Variants in NEGR1 observed in about 807,000 individuals in gnomAD.
NEGR1 encodes IgLON family member 4.
In NEGR1, 10 loss-of-function variants were observed where a neutral mutation model predicts 40.9. The ratio of observed to expected loss-of-function variants is 0.24; its 90% CI spans 0.15 to 0.42. NEGR1 has a LOEUF of 0.42. Among genes scored for constraint, NEGR1 ranks in the 10% least tolerant of loss-of-function variants. The pLI is 1.00. For missense variants in NEGR1, 352 were observed against 438.9 expected (o/e 0.80, Z 1.77); for synonymous variants, 185 against 166.8 (o/e 1.11, Z -0.84).
At chr1:71,695,280 A>C (rs1000460955) in intron 4 of NEGR1, among the ~76,000 whole-genome samples, 1 of 151,824 alleles carries the variant, frequency 6.6e-6, no homozygotes, top group African/African-American at 2.4e-5. Flanking sequence ...TTCATGGAAC[A>C]TTTGGAAAAG....
chr1:72,221,999 TG>T (rs1654028933), intron 1 of NEGR1, among the ~76,000 whole-genome samples: 1 of 151,758 alleles, frequency 6.6e-6, no homozygotes, highest in Admixed American at 6.6e-5. Context: ...GTGGACCCAG[TG>T]GCCCCAGTCT....
rs548891348 is a variant in NEGR1 at position 72,054,698 on chromosome 1, G to T, written c.177-119387C>A. On this transcript the variant is annotated intron_variant, in intron 1 of 6. Coordinates refer to ENST00000357731, the MANE Select transcript of NEGR1 (RefSeq NM_173808.3). Reference sequence around the variant, plus strand: ...ACAAATTTGCTGTTGACTTAATCCAGTATCTGACTTTCCATTTATCTTATC... The same window carrying T: ...ACAAATTTGCTGTTGACTTAATCCATTATCTGACTTTCCATTTATCTTATC... Among the ~76,000 whole-genome samples the T allele has an allele frequency of 3.3e-5, 5 of 151,268 alleles. No homozygotes were observed. The East Asian group carries it at 7.8e-4, about 24-fold the overall frequency.
intron 2 of NEGR1, among the ~76,000 whole-genome samples, chr1:71,911,168 A>T (rs1661412311): frequency 6.6e-6 from 1 of 152,216 alleles, no homozygotes; most frequent in South Asian, 2.1e-4. Context: ...ACTATTTATT[A>T]GTCAATGACA....
At position 71,592,763 on chromosome 1, in the gene NEGR1, T is replaced by A. The variant is rs1649544093; in HGVS notation, c.940+54A>T. On this transcript the variant is annotated intron_variant, in intron 6 of 6. Coordinates refer to ENST00000357731, the MANE Select transcript of NEGR1 (RefSeq NM_173808.3). ...CATTCTTAGGTTTTATCTCTACAGA[T>A]GGATAGGGGCCCAGAGGCCCCTGGA... The A allele has an allele frequency of 5.6e-6, 8 of 1,437,314 alleles. No homozygotes were observed. The South Asian group carries it at 8.6e-5, about 15-fold the overall frequency. 89.0% of individuals were successfully genotyped at this position (1,437,314 alleles called of 1,614,324 possible).
At chr1:72,037,935 C>T (rs978346317) in intron 1 of NEGR1, among the ~76,000 whole-genome samples, 2 of 152,030 alleles carry the variant, frequency 1.3e-5, no homozygotes, top group African/African-American at 4.8e-5. Context: ...AAGTTGCTGC[C>T]ACCTGCTGGT....
At chr1:72,081,529 TTTA>T (rs1374539779) in intron 1 of NEGR1, among the ~76,000 whole-genome samples, 1 of 152,142 alleles carries the variant, frequency 6.6e-6, no homozygotes, top group African/African-American at 2.4e-5. Flanking sequence ...TTCTGTGTAA[TTTA>T]TTAATCTCTA....
At chr1:72,219,784 A>C (rs1653950211) in intron 1 of NEGR1, among the ~76,000 whole-genome samples, 1 of 152,134 alleles carries the variant, frequency 6.6e-6, no homozygotes, top group Non-Finnish European at 1.5e-5. Flanking sequence ...GGACATAACT[A>C]TCTTCAATTT....
At chr1:72,006,809 T>C (rs1160711455) in intron 1 of NEGR1, among the ~76,000 whole-genome samples, 1 of 152,160 alleles carries the variant, frequency 6.6e-6, no homozygotes, top group Non-Finnish European at 1.5e-5. Context: ...TAGACTGCCC[T>C]TAACAAGTCC....
At chr1:71,499,934 A>G (rs1001889291) in intron 6 of NEGR1, among the ~76,000 whole-genome samples, 1 of 152,118 alleles carries the variant, frequency 6.6e-6, no homozygotes, top group African/African-American at 2.4e-5. Context: ...GTCTTTTCCA[A>G]CTGCCAATCA....
At chr1:71,654,496 G>T (rs184910437) in intron 4 of NEGR1, among the ~76,000 whole-genome samples, 2 of 152,194 alleles carry the variant, frequency 1.3e-5, no homozygotes, top group East Asian at 3.9e-4. Flanking sequence ...AGCTGCAACT[G>T]CTCAGAAAAT....
At chr1:71,492,534 T>C (rs1418810319) in intron 6 of NEGR1, among the ~76,000 whole-genome samples, 1 of 152,116 alleles carries the variant, frequency 6.6e-6, no homozygotes, top group Non-Finnish European at 1.5e-5. Context: ...TTACGGCTCC[T>C]GGTTCAGCTC....
intron 1 of NEGR1, among the ~76,000 whole-genome samples, chr1:72,002,139 G>A (rs1646563180): frequency 6.6e-6 from 1 of 151,682 alleles, no homozygotes; most frequent in South Asian, 2.1e-4. Context: ...ATTCTTAAAC[G>A]GCTTTGGAAG....
chr1:71,803,013 G>A (rs1657615907), intron 2 of NEGR1, among the ~76,000 whole-genome samples: 1 of 152,126 alleles, frequency 6.6e-6, no homozygotes, highest in African/African-American at 2.4e-5. Flanking sequence ...ACATGAATTT[G>A]GGGAAATGGG....
chr1:71,954,702 T>C (rs1158705917), intron 1 of NEGR1, among the ~76,000 whole-genome samples: 2 of 152,070 alleles, frequency 1.3e-5, no homozygotes, highest in African/African-American at 4.8e-5. Context: ...ATCAATGCTT[T>C]TCTGACTTCC....
chr1:71,713,133 G>C (rs1474007935), intron 3 of NEGR1, among the ~76,000 whole-genome samples: 3 of 152,192 alleles, frequency 2.0e-5, no homozygotes, highest in African/African-American at 4.8e-5. Flanking sequence ...TTTAACAACT[G>C]TTCCTTTGGT....
chr1:72,197,346 G>A lies in NEGR1; in HGVS notation c.176+84973C>T, dbSNP rs548957168. ...CAAAGCAGAATGGTTGCAAATATAG[G>A]TTTATTAACAGAAGCACTACTTTTG... On this transcript the variant is annotated intron_variant, in intron 1 of 6. Coordinates refer to ENST00000357731, the MANE Select transcript of NEGR1 (RefSeq NM_173808.3). Among the ~76,000 whole-genome samples the A allele has an allele frequency of 3.3e-5, 5 of 152,030 alleles. No individual in the cohort carries two copies. In the South Asian group the frequency reaches 8.3e-4, roughly 25 times the overall value.
At chr1:71,749,281 A>C (rs893589258) in intron 3 of NEGR1, among the ~76,000 whole-genome samples, 3 of 152,176 alleles carry the variant, frequency 2.0e-5, no homozygotes, top group Non-Finnish European at 4.4e-5. Flanking sequence ...ACAAGATAGA[A>C]TATTATCTCC....
chr1:71,825,268 T>A (rs1212699261), intron 2 of NEGR1, among the ~76,000 whole-genome samples: 1 of 151,982 alleles, frequency 6.6e-6, no homozygotes, highest in Non-Finnish European at 1.5e-5. Flanking sequence ...CATATGTAAA[T>A]CACAAAGAAA....
chr1:72,106,861 AATATAG>A (rs1407360680), intron 1 of NEGR1, among the ~76,000 whole-genome samples: 1 of 151,964 alleles, frequency 6.6e-6, no homozygotes, highest in Non-Finnish European at 1.5e-5. Context: ...ACGTCATTTA[AATATAG>A]ATATAGATAC....
Sources: allele counts gnomAD v4.1 joint callset (sites outside exome capture counted in the v4.1 genomes callset), GRCh38; gene constraint gnomAD v4.1.1; transcripts MANE v1.5; gene names NCBI Gene and HGNC (gene_info 2026-07-23, HGNC 2026-07-21).